Variants in ARHGEF11 observed in about 807,000 individuals in gnomAD.
ARHGEF11 encodes Rho guanine nucleotide exchange factor 11, also known as Rho guanine exchange factor (GEF) 11.
In ARHGEF11, 55 loss-of-function variants were observed where a neutral mutation model predicts 193.7. That is an observed-to-expected ratio of 0.28 (90% CI 0.23 to 0.36). ARHGEF11 has a LOEUF of 0.36. Ranked by LOEUF, ARHGEF11 falls within the 10% of genes least tolerant of loss-of-function variation. The pLI, the probability that ARHGEF11 is intolerant of heterozygous loss-of-function variation, is 1.00. For missense variants in ARHGEF11, 1,723 were observed against 2,005.6 expected, an observed-to-expected ratio of 0.86 and a Z score of 2.69; for synonymous variants, 693 against 768.0, an observed-to-expected ratio of 0.90 and a Z score of 1.62.
intron 1 of ARHGEF11, among the ~76,000 whole-genome samples, chr1:156,998,141 G>GA (rs1261368157): frequency 6.6e-6 from 1 of 152,190 alleles, no homozygotes; most frequent in African/African-American, 2.4e-5. Context: ...GTGAGTCCTA[G>GA]AGTAAAGAGG....
intron 1 of ARHGEF11, among the ~76,000 whole-genome samples, chr1:157,040,887 C>T (rs951855544): frequency 5.9e-5 from 9 of 152,156 alleles, no homozygotes; most frequent in Non-Finnish European, 1.2e-4. Context: ...ACATTATAAT[C>T]CTCAAATGAC....
At chr1:156,957,738 A>G in intron 18 of ARHGEF11, 54 bp downstream of exon 18, 1 of 1,585,240 alleles carries the variant, frequency 6.3e-7, no homozygotes, top group Non-Finnish European at 8.7e-7. Flanking sequence ...ATAGTAGCTC[A>G]ACCCCACTCC....
chr1:157,026,862 T>C (rs1040616006), intron 1 of ARHGEF11, among the ~76,000 whole-genome samples: 1 of 152,238 alleles, frequency 6.6e-6, no homozygotes, highest in African/African-American at 2.4e-5. Flanking sequence ...TCAATCTTTA[T>C]GCCTAGATGT....
At chr1:156,992,541 CAG>C (rs1282888319) in intron 1 of ARHGEF11, among the ~76,000 whole-genome samples, 1 of 152,172 alleles carries the variant, frequency 6.6e-6, no homozygotes, top group Non-Finnish European at 1.5e-5. Context: ...GGTGACCTTC[CAG>C]AGAGCCCACA....
chr1:157,023,753 G>A (rs1288623862), intron 1 of ARHGEF11, among the ~76,000 whole-genome samples: 5 of 140,506 alleles, frequency 3.6e-5, no homozygotes, highest in African/African-American at 5.3e-5. Flanking sequence ...GCAACAGAGC[G>A]AGACTCCATC....
chr1:157,037,030 A>G (rs1411584547), intron 1 of ARHGEF11, among the ~76,000 whole-genome samples: 1 of 152,164 alleles, frequency 6.6e-6, no homozygotes, highest in African/African-American at 2.4e-5. Flanking sequence ...CAGGAGGCTG[A>G]GGCATGAGAA....
In ARHGEF11 at chr1:157,035,877, A is replaced by T. The variant is rs1440544080; in HGVS notation, c.32+8422T>A. ...TTTAGGAATATATATAGGAATATATATAGGAATATATATAGGAATATATAT... is the reference window on the plus strand; with the variant it reads ...TTTAGGAATATATATAGGAATATATTTAGGAATATATATAGGAATATATAT... On this transcript the variant is annotated intron_variant, in intron 1 of 40. Coordinates refer to ENST00000368194, the MANE Select transcript of ARHGEF11 (RefSeq NM_198236.3). 7.2e-3 allele frequency among the ~76,000 whole-genome samples: 984 copies of T among 136,652 alleles called. 89 individuals are homozygous for T. The highest frequency in any genetic ancestry group is 0.02 in the South Asian group (83 of 4,194). The allele number at this position is 136,652 out of a possible 152,430, so 89.6% of individuals were successfully genotyped here. A position where few individuals can be genotyped will look rare whatever the true frequency, so the allele number is the denominator to read the frequency against.
At chr1:157,013,643 T>C (rs570864088) in intron 1 of ARHGEF11, among the ~76,000 whole-genome samples, 1 of 152,230 alleles carries the variant, frequency 6.6e-6, no homozygotes, top group South Asian at 2.1e-4. Flanking sequence ...CTTCCCTTAA[T>C]TTTCATGACT....
chr1:156,935,856 C>T lies in ARHGEF11; in HGVS notation c.*144G>A, dbSNP rs1374706904. 1.1e-6 allele frequency: 1 copy of T among 914,700 alleles called. No individual in the cohort carries two copies. The highest frequency in any genetic ancestry group is 2.9e-5 in the Admixed American group (1 of 33,988). 56.7% of individuals were successfully genotyped at this position (914,700 alleles called of 1,614,324 possible). Reference sequence around the variant, plus strand: ...GCAGACCAAGCAACATGCGGGTCTCCCCCCGGGCCTTGGCTGGATCCTAGT... The same window carrying T: ...GCAGACCAAGCAACATGCGGGTCTCTCCCCGGGCCTTGGCTGGATCCTAGT... On this transcript the variant is annotated 3_prime_UTR_variant, in exon 41 of 41. Transcript: ENST00000368194.
At chr1:156,941,241 TCTCTA>T (rs935207876) in intron 35 of ARHGEF11, 126 bp downstream of exon 35, 1 of 792,542 alleles carries the variant, frequency 1.3e-6, no homozygotes, top group African/African-American at 1.7e-5. Context: ...CCCTGTTTCT[TCTCTA>T]CTCTTTATCA....
At position 156,980,485 on chromosome 1, in the gene ARHGEF11, T is replaced by C; in HGVS notation, c.225A>G (p.Gly75=). The part of the protein sequence containing the change: ...RIVLVQSVRP[G]GAAMKAGVKE... ...TCACACCGGCCTTCATGGCTGCACCTCCTGTAAGGAGAAGGCCTGGTCAGC... is the reference window on the plus strand; with the variant it reads ...TCACACCGGCCTTCATGGCTGCACCCCCTGTAAGGAGAAGGCCTGGTCAGC... Residue 75 remains glycine, a splice_region_variant and synonymous_variant, in exon 4 of 41, where the codon GGA becomes GGG. Coordinates refer to ENST00000368194, the MANE Select transcript of ARHGEF11 (RefSeq NM_198236.3). The C allele has an allele frequency of 6.3e-7, 1 of 1,594,778 alleles. No individual in the cohort carries two copies. Among genetic ancestry groups the C allele is most frequent in the Non-Finnish European group, 8.6e-7 (1 of 1,169,526 alleles).
chr1:156,973,481 T>C (rs1662809314), intron 7 of ARHGEF11, among the ~76,000 whole-genome samples: 1 of 152,224 alleles, frequency 6.6e-6, no homozygotes, highest in African/African-American at 2.4e-5. Flanking sequence ...CTTTCGGTCA[T>C]CCAGTCCCCA....
chr1:156,946,776 A>C lies in ARHGEF11; in HGVS notation c.2580T>G (p.Pro860=). The change falls in exon 28 of 41, where the codon CCT becomes CCG. Residue 860 remains proline (P), a synonymous_variant. Coordinates refer to ENST00000368194, the MANE Select transcript of ARHGEF11 (RefSeq NM_198236.3). ...CCACTTGCTGGAGTTCCTCTCGGGC[A>C]GGGCCATCAAACTGAAGAGGCAGAA... ...SDLMLARFDG[P]AREELQQVAA... The C allele has an allele frequency of 3.1e-6, 5 of 1,614,212 alleles. No homozygotes were observed. The highest frequency in any genetic ancestry group is 4.2e-6 in the Non-Finnish European group (5 of 1,180,026).
intron 1 of ARHGEF11, among the ~76,000 whole-genome samples, chr1:157,001,670 T>C (rs906308272): frequency 1.9e-4 from 29 of 152,182 alleles, no homozygotes; most frequent in African/African-American, 6.8e-4. Flanking sequence ...CCCTCTCCAC[T>C]GGGGGAGATC....
intron 30 of ARHGEF11, among the ~76,000 whole-genome samples, 163 bp downstream of exon 30, chr1:156,944,856 C>T (rs1657820371): frequency 6.6e-6 from 1 of 152,224 alleles, no homozygotes; most frequent in African/African-American, 2.4e-5. Context: ...CATCTAGGGA[C>T]AGGGTGACAA....
At chr1:157,040,036 C>T (rs965567123) in intron 1 of ARHGEF11, among the ~76,000 whole-genome samples, 30 of 152,038 alleles carry the variant, frequency 2.0e-4, no homozygotes, top group African/African-American at 7.2e-4. Flanking sequence ...TATTTCTTGT[C>T]TATTAAAAAA....
chr1:156,947,554 G>A, intron 25 of ARHGEF11, 104 bp from the exon 26 acceptor site: 1 of 1,401,782 alleles, frequency 7.1e-7, no homozygotes, highest in Non-Finnish European at 9.4e-7. Context: ...ATTTTTGGGG[G>A]AACTGAAGTG....
chr1:157,026,224 G>A (rs577470017), intron 1 of ARHGEF11, among the ~76,000 whole-genome samples: 1 of 152,308 alleles, frequency 6.6e-6, no homozygotes, highest in East Asian at 1.9e-4. Context: ...GAACTTCAAA[G>A]TTACCACTTT....
chr1:156,971,873 G>A, intron 7 of ARHGEF11, 57 bp from the exon 8 acceptor site: 3 of 1,558,166 alleles, frequency 1.9e-6, no homozygotes, highest in Non-Finnish European at 2.6e-6. Context: ...GTGGTTAATA[G>A]AGAATGGATG....
Sources: allele counts gnomAD v4.1 joint callset (sites outside exome capture counted in the v4.1 genomes callset), GRCh38; gene constraint gnomAD v4.1.1; transcripts MANE v1.5; gene names NCBI Gene and HGNC (gene_info 2026-07-23, HGNC 2026-07-21).